PKD2L1: variants seen among roughly 807,000 people sequenced by gnomAD.
The protein encoded by PKD2L1 is polycystin 2 like 1, transient receptor potential cation channel.
Under a neutral mutation model 93.0 loss-of-function variants are expected in PKD2L1, and 77 were observed. The ratio of observed to expected loss-of-function variants is 0.83; its 90% CI spans 0.69 to 1.00. The LOEUF is 1.00. Among genes scored for constraint, PKD2L1 ranks in the 50% least tolerant of loss-of-function variants. The pLI, the probability that PKD2L1 is intolerant of heterozygous loss-of-function variation, is 0.00. For synonymous variants in PKD2L1, 390 were observed against 388.0 expected, an observed-to-expected ratio of 1.01 and a Z score of -0.06; for missense variants, 977 against 990.9, an observed-to-expected ratio of 0.99 and a Z score of 0.19.
chr10:100,301,998 G>T (rs924654371), intron 2 of PKD2L1, among the ~76,000 whole-genome samples: 2 of 152,090 alleles, frequency 1.3e-5, no homozygotes, highest in African/African-American at 4.8e-5. Context: ...ACCACACTCA[G>T]CAAATTTTGT....
intron 2 of PKD2L1, among the ~76,000 whole-genome samples, chr10:100,328,154 T>A (rs1849419207): frequency 1.3e-5 from 2 of 152,194 alleles, no homozygotes; most frequent in Non-Finnish European, 2.9e-5. Flanking sequence ...TTGTGCAACT[T>A]TTGAAAGAAG....
intron 2 of PKD2L1, among the ~76,000 whole-genome samples, chr10:100,328,224 C>A (rs1211509756): frequency 6.6e-6 from 1 of 152,178 alleles, no homozygotes; most frequent in Non-Finnish European, 1.5e-5. Flanking sequence ...TCTGTTTGGT[C>A]CAATTTTATT....
chr10:100,328,197 C>G (rs1379560703), intron 2 of PKD2L1, among the ~76,000 whole-genome samples: 1 of 152,194 alleles, frequency 6.6e-6, no homozygotes, highest in African/African-American at 2.4e-5. Flanking sequence ...CTGTCATTAC[C>G]TACAAGTCTA....
chr10:100,290,616 G>C, intron 12 of PKD2L1, 97 bp from the exon 13 acceptor site: 1 of 748,878 alleles, frequency 1.3e-6, no homozygotes, highest in Non-Finnish European at 2.3e-6. Flanking sequence ...CAGGACCAAG[G>C]CTCAGGTCCT....
At chr10:100,321,217 T>A (rs1045180838) in intron 2 of PKD2L1, among the ~76,000 whole-genome samples, 3 of 151,980 alleles carry the variant, frequency 2.0e-5, no homozygotes, top group Non-Finnish European at 4.4e-5. Flanking sequence ...CCCAGCACTT[T>A]GGGAGGTCGA....
chr10:100,328,828 G>T (rs949903087), intron 2 of PKD2L1, among the ~76,000 whole-genome samples: 2 of 152,314 alleles, frequency 1.3e-5, no homozygotes, highest in African/African-American at 4.8e-5. Context: ...GACCTCAGGT[G>T]ATGTGCCCAC....
intron 2 of PKD2L1, among the ~76,000 whole-genome samples, chr10:100,303,239 G>C (rs952609398): frequency 2.2e-5 from 3 of 134,514 alleles, no homozygotes; most frequent in Non-Finnish European, 4.6e-5. Context: ...TGTTGTCCAG[G>C]CTGCAGTGCA....
chr10:100,297,628 G>A, intron 4 of PKD2L1, 22 bp from the exon 5 acceptor site: 1 of 1,589,176 alleles, frequency 6.3e-7, no homozygotes, highest in Non-Finnish European at 8.6e-7. Context: ...AATGCCAGCT[G>A]AGCCAGCCCA....
intron 15 of PKD2L1, 51 bp downstream of exon 15, chr10:100,288,921 A>T: frequency 8.2e-7 from 1 of 1,220,278 alleles, no homozygotes; most frequent in Non-Finnish European, 1.2e-6. Context: ...GCCTGTGCGG[A>T]GGCAGAGGGA....
intron 2 of PKD2L1, among the ~76,000 whole-genome samples, chr10:100,311,982 G>C (rs1848945039): frequency 6.6e-6 from 1 of 152,110 alleles, no homozygotes; most frequent in South Asian, 2.1e-4. Context: ...TCCCTCCCCT[G>C]ACAGTCACTC....
chr10:100,303,191 G>GT (rs146131470), intron 2 of PKD2L1, among the ~76,000 whole-genome samples: 1,770 of 128,906 alleles, frequency 0.014, 110 homozygotes, highest in Middle Eastern at 0.039. Flanking sequence ...ACATCAAACT[G>GT]TTTTTTTGTT....
intron 2 of PKD2L1, among the ~76,000 whole-genome samples, chr10:100,328,541 G>A (rs182772032): frequency 6.6e-5 from 10 of 151,402 alleles, no homozygotes; most frequent in Admixed American, 2.0e-4. Flanking sequence ...TAATAACTAC[G>A]TGAAGCCCAC....
rs1268723383 is a variant in PKD2L1 at position 100,330,130 on chromosome 10, C to G, written c.-27G>C. On this transcript the variant is annotated 5_prime_UTR_variant, in exon 1 of 16. Coordinates refer to ENST00000318222, the MANE Select transcript of PKD2L1 (RefSeq NM_016112.3). ...GGGAATGAGGTGGGGGGGCCCGGTACCCCAGGTGCCCACTCTCAGCTAGAG... is the reference window on the plus strand; with the variant it reads ...GGGAATGAGGTGGGGGGGCCCGGTAGCCCAGGTGCCCACTCTCAGCTAGAG... The G allele has an allele frequency of 7.2e-7, 1 of 1,394,012 alleles. No homozygotes were observed. Among genetic ancestry groups the G allele is most frequent in the African/African-American group, 1.4e-5 (1 of 70,018 alleles). 86.4% of individuals were successfully genotyped at this position (1,394,012 alleles called of 1,614,324 possible). A position where few individuals can be genotyped will look rare whatever the true frequency, so the allele number is the denominator to read the frequency against.
chr10:100,328,336 A>G (rs1424418493), intron 2 of PKD2L1, among the ~76,000 whole-genome samples: 1 of 152,174 alleles, frequency 6.6e-6, no homozygotes, highest in Non-Finnish European at 1.5e-5. Flanking sequence ...TTGTGTCTAT[A>G]GCTAGAGCCT....
chr10:100,303,191 G>GTTTTTTTTTTTTTTTTTT lies in PKD2L1; in HGVS notation c.350-3474_350-3473insAAAAAAAAAAAAAAAAAA, dbSNP rs146131470. On this transcript the variant is annotated intron_variant, in intron 2 of 15. Transcript: ENST00000318222. ...TTTAAGTCCATAATTACATCAAACT[G>GTTTTTTTTTTTTTTTTTT]TTTTTTTGTTTTTTTTTTTGAGACG... Among the ~76,000 whole-genome samples, 3 of 128,984 alleles carry GTTTTTTTTTTTTTTTTTT rather than the reference G, an allele frequency of 2.3e-5. 1 individual carries two copies. The highest frequency in any genetic ancestry group is 8.6e-5 in the Admixed American group (1 of 11,622). The allele number at this position is 128,984 out of a possible 152,430, so 84.6% of individuals were successfully genotyped here. A position where few individuals can be genotyped will look rare whatever the true frequency, so the allele number is the denominator to read the frequency against.
chr10:100,316,826 C>G (rs900635091), intron 2 of PKD2L1, among the ~76,000 whole-genome samples: 1 of 152,204 alleles, frequency 6.6e-6, no homozygotes, highest in Non-Finnish European at 1.5e-5. Context: ...GTGATTCATG[C>G]CTGTAATCTC....
intron 2 of PKD2L1, among the ~76,000 whole-genome samples, chr10:100,307,832 G>A (rs1284093377): frequency 2.0e-5 from 3 of 152,174 alleles, no homozygotes; most frequent in Non-Finnish European, 2.9e-5. Context: ...CTCACATGGA[G>A]GGGGTTCTAG....
chr10:100,306,874 GAA>G (rs1848815011), intron 2 of PKD2L1, among the ~76,000 whole-genome samples: 1 of 73,260 alleles, frequency 1.4e-5, no homozygotes, highest in Non-Finnish European at 2.7e-5. Context: ...AAAAAAAAAA[GAA>G]AGAGAGAGAA....
At position 100,290,515 on chromosome 10, in the gene PKD2L1, G is replaced by T. The variant is rs769171159; in HGVS notation, c.2012C>A (p.Ala671Asp). 7 of 1,606,680 alleles carry T rather than the reference G, an allele frequency of 4.4e-6. No individual in the cohort carries two copies. Among genetic ancestry groups the T allele is most frequent in the Non-Finnish European group, 6.0e-6 (7 of 1,174,658 alleles). The change falls in exon 13 of 16, where the codon GCC becomes GAC. Residue 671 changes from alanine (A) to aspartate (D), a missense_variant. Ala to Asp is a moderately radical substitution (Grantham distance 126, BLOSUM62 -2). Coordinates refer to ENST00000318222, the MANE Select transcript of PKD2L1 (RefSeq NM_016112.3). ...MRQDLEEERV[A>D]LNTEIEKLGR... The stretch of plus-strand genomic sequence containing the variant: ...TAGTTTCTCAATCTCAGTGTTGAGG[G>T]CCACCTGCTCAGGAAGTCAGAGGTT...
Sources: gnomAD v4.1 joint callset for allele counts (sites outside exome capture counted in the v4.1 genomes callset) on GRCh38, gnomAD v4.1.1 for gene constraint, MANE v1.5 for transcripts, NCBI Gene and HGNC (gene_info 2026-07-23, HGNC 2026-07-21) for gene names.